WWC1: variants seen among roughly 807,000 people sequenced by gnomAD.
WWC1 encodes the protein WW and C2 domain containing 1, also known as protein KIBRA.
Under a neutral mutation model 138.4 loss-of-function variants are expected in WWC1, and 55 were observed. That is an observed-to-expected ratio of 0.40 (90% CI 0.32 to 0.50). The LOEUF (loss-of-function observed/expected upper bound fraction) is 0.50. Among genes scored for constraint, WWC1 ranks in the 20% least tolerant of loss-of-function variants. WWC1 has a pLI of 0.72. For missense variants in WWC1, 1,226 were observed against 1,420.4 expected, an observed-to-expected ratio of 0.86 and a Z score of 2.20; for synonymous variants, 524 against 564.9, an observed-to-expected ratio of 0.93 and a Z score of 1.03.
intron 1 of WWC1, among the ~76,000 whole-genome samples, chr5:168,329,703 T>G (rs1263419706): frequency 1.3e-5 from 2 of 152,228 alleles, no homozygotes; most frequent in African/African-American, 4.8e-5. Context: ...CTTTGCTTCT[T>G]CTGCTGCCAG....
chr5:168,404,125 T>A (rs1268713680), intron 5 of WWC1, among the ~76,000 whole-genome samples: 1 of 152,116 alleles, frequency 6.6e-6, no homozygotes, highest in African/African-American at 2.4e-5. Context: ...CACTTCTGTC[T>A]CATCCTGCAA....
chr5:168,341,385 G>A (rs1008022543), intron 1 of WWC1, among the ~76,000 whole-genome samples: 1 of 152,116 alleles, frequency 6.6e-6, no homozygotes, highest in African/African-American at 2.4e-5. Flanking sequence ...CTGAAGTCAA[G>A]CATTTACTCA....
chr5:168,329,391 T>A (rs941699504), intron 1 of WWC1, among the ~76,000 whole-genome samples: 2 of 152,202 alleles, frequency 1.3e-5, no homozygotes, highest in African/African-American at 4.8e-5. Flanking sequence ...AAGGGTTCTC[T>A]TTTTCTCGTG....
At chr5:168,298,307 AG>A (rs1487040304) in intron 1 of WWC1, among the ~76,000 whole-genome samples, 30 of 152,046 alleles carry the variant, frequency 2.0e-4, no homozygotes, top group African/African-American at 6.8e-4. Flanking sequence ...CCAAAGTGTT[AG>A]GATTACAGGT....
chr5:168,413,914 A>G (rs1056823059), intron 8 of WWC1, among the ~76,000 whole-genome samples: 2 of 152,238 alleles, frequency 1.3e-5, no homozygotes, highest in African/African-American at 4.8e-5. Context: ...AGTAGCAAGG[A>G]CTTACTATGT....
chr5:168,323,489 G>A (rs775164896), intron 1 of WWC1, among the ~76,000 whole-genome samples: 39 of 152,068 alleles, frequency 2.6e-4, no homozygotes, highest in Non-Finnish European at 5.3e-4. Flanking sequence ...AGAGGCTGTC[G>A]TGAGCTATGA....
At chr5:168,342,109 G>A (rs1047019256) in intron 1 of WWC1, among the ~76,000 whole-genome samples, 2 of 152,204 alleles carry the variant, frequency 1.3e-5, no homozygotes, top group African/African-American at 4.8e-5. Flanking sequence ...ATAGGCATGG[G>A]GAAGTTTCAG....
chr5:168,393,753 G>A (rs567723402), intron 3 of WWC1, among the ~76,000 whole-genome samples: 3 of 152,256 alleles, frequency 2.0e-5, no homozygotes, highest in East Asian at 1.9e-4. Context: ...AGAGCAGCTC[G>A]CTCACACTGA....
chr5:168,468,072 C>A, intron 22 of WWC1, 108 bp downstream of exon 22: 2 of 1,515,622 alleles, frequency 1.3e-6, no homozygotes, highest in Non-Finnish European at 1.8e-6. Context: ...AGAGCACTGG[C>A]TTTCCCTGTA....
chr5:168,318,803 G>A (rs1257482354), intron 1 of WWC1, among the ~76,000 whole-genome samples: 1 of 151,932 alleles, frequency 6.6e-6, no homozygotes, highest in Non-Finnish European at 1.5e-5. Context: ...CAGGTGATCT[G>A]CCCGCCTTGG....
chr5:168,298,850 G>A (rs1260199574), intron 1 of WWC1, among the ~76,000 whole-genome samples: 6 of 152,164 alleles, frequency 3.9e-5, no homozygotes, highest in African/African-American at 7.2e-5. Context: ...TTGGGAGGTC[G>A]AGGTGGGTGG....
chr5:168,390,507 G>A (rs893263664), intron 3 of WWC1, among the ~76,000 whole-genome samples: 23 of 152,116 alleles, frequency 1.5e-4, no homozygotes, highest in Non-Finnish European at 1.3e-4. Flanking sequence ...CAGGCAACTG[G>A]ATCTGAGATT....
At position 168,333,738 on chromosome 5, in the gene WWC1, A is replaced by C. The variant is rs539157899; in HGVS notation, c.120-37686A>C. Among the ~76,000 whole-genome samples, 4 of 152,240 alleles carry C rather than the reference A, an allele frequency of 2.6e-5. No homozygotes were observed. In the East Asian group the frequency reaches 5.8e-4, roughly 22 times the overall value. ...GCACAGCTTCCCTATTTATCAGCCC[A>C]GGTTCATTATGCTAAGGACTTAGGA... On this transcript the variant is annotated intron_variant, in intron 1 of 22. Coordinates refer to ENST00000265293, the MANE Select transcript of WWC1 (RefSeq NM_015238.3).
At chr5:168,367,952 A>AAC (rs5873108) in intron 1 of WWC1, among the ~76,000 whole-genome samples, 36,712 of 151,060 alleles carry the variant, frequency 0.24, 4,527 homozygotes, top group South Asian at 0.45. Flanking sequence ...TTTCTTTACT[A>AAC]ACACACACAC....
At chr5:168,354,980 G>A (rs1282524629) in intron 1 of WWC1, among the ~76,000 whole-genome samples, 1 of 152,196 alleles carries the variant, frequency 6.6e-6, no homozygotes, top group Non-Finnish European at 1.5e-5. Flanking sequence ...GGAGGAGATG[G>A]CCACAAGCCT....
chr5:168,406,481 A>T (rs1253872313), intron 6 of WWC1, among the ~76,000 whole-genome samples, 154 bp downstream of exon 6: 4 of 152,084 alleles, frequency 2.6e-5, no homozygotes, highest in African/African-American at 9.7e-5. Context: ...ATAGAGGAGG[A>T]CGTGGAGGCT....
At chr5:168,362,145 G>T (rs1045160594) in intron 1 of WWC1, among the ~76,000 whole-genome samples, 1 of 138,078 alleles carries the variant, frequency 7.2e-6, no homozygotes, top group African/African-American at 2.4e-5. Context: ...CACTCACTGT[G>T]TACTCATGTG....
chr5:168,303,367 C>T (rs1770265187), intron 1 of WWC1, among the ~76,000 whole-genome samples: 1 of 152,062 alleles, frequency 6.6e-6, no homozygotes, highest in African/African-American at 2.4e-5. Context: ...GAGTCTGATA[C>T]AGGAGGATAG....
Position 168,410,004 on chromosome 5 carries a change from G to A in WWC1, c.941+9G>A. The stretch of plus-strand genomic sequence containing the variant: ...GAAGAGGCTAAGAGAAGGTAATTGG[G>A]CTGGGGCTAGGGGCGGGATGGTTCC... On this transcript the variant is annotated intron_variant, in intron 8 of 22. Coordinates refer to ENST00000265293, the MANE Select transcript of WWC1 (RefSeq NM_015238.3). 6.2e-7 allele frequency: 1 copy of A among 1,611,772 alleles called. No individual in the cohort carries two copies. The highest frequency in any genetic ancestry group is 8.5e-7 in the Non-Finnish European group (1 of 1,178,874).
Sources: allele counts gnomAD v4.1 joint callset (sites outside exome capture counted in the v4.1 genomes callset), GRCh38; gene constraint gnomAD v4.1.1; transcripts MANE v1.5; gene names NCBI Gene and HGNC (gene_info 2026-07-23, HGNC 2026-07-21).